The following ANK3 variants were observed in gnomAD, a reference collection of about 807,000 sequenced individuals.
The protein encoded by ANK3 is ankyrin 3.
In ANK3, 57 loss-of-function variants were observed where a neutral mutation model predicts 370.9. That is an observed-to-expected ratio of 0.15 (90% CI 0.12 to 0.19). ANK3 has a LOEUF of 0.19. Among genes scored for constraint, ANK3 ranks in the 10% least tolerant of loss-of-function variants. The pLI, the probability that ANK3 is intolerant of heterozygous loss-of-function variation, is 1.00. For missense variants in ANK3, 4,439 were observed against 5,302.1 expected, an observed-to-expected ratio of 0.84 and a Z score of 5.06; for synonymous variants, 1,929 against 1,946.3, an observed-to-expected ratio of 0.99 and a Z score of 0.23.
At chr10:60,131,192 C>T (rs1260994597) in intron 25 of ANK3, among the ~76,000 whole-genome samples, 1 of 152,120 alleles carries the variant, frequency 6.6e-6, no homozygotes, top group African/African-American at 2.4e-5. Flanking sequence ...CAATGATTTC[C>T]TACATACACA....
In ANK3 at chr10:60,144,457, A is replaced by G. The variant is rs187739491; in HGVS notation, c.2615-5370T>C. Among the ~76,000 whole-genome samples the G allele has an allele frequency of 1.1e-3, 173 of 152,336 alleles. 2 individuals are homozygous for G. Among genetic ancestry groups the G allele is most frequent in the African/African-American group, 3.8e-3 (158 of 41,576 alleles). On this transcript the variant is annotated intron_variant, in intron 23 of 43. Coordinates refer to ENST00000280772, the MANE Select transcript of ANK3 (RefSeq NM_020987.5). ...ACTGATGTTCTTATTGTTAATCTAC[A>G]TCTGTCAATAAATTATCAGAGCCTA...
chr10:60,571,368 AG>A (rs946178655), intron 2 of ANK3, among the ~76,000 whole-genome samples: 2 of 152,198 alleles, frequency 1.3e-5, no homozygotes, highest in African/African-American at 4.8e-5. Context: ...AATAATAAAC[AG>A]ATTATGAACA....
At chr10:60,461,968 A>G (rs2064896157) in intron 2 of ANK3, among the ~76,000 whole-genome samples, 1 of 152,160 alleles carries the variant, frequency 6.6e-6, no homozygotes, top group South Asian at 2.1e-4. Context: ...CGGGTGGGGG[A>G]CCCAAGGGGA....
At chr10:60,529,517 A>G (rs1934755) in intron 2 of ANK3, among the ~76,000 whole-genome samples, 102,155 of 151,464 alleles carry the variant, frequency 0.67, 34,882 homozygotes, top group South Asian at 0.87. Flanking sequence ...GCTCAGGTGC[A>G]CGCACTCCAG....
rs753849085 is a variant in ANK3, at chr10:60,524,807, C to T, written c.96+90379G>A. 2.2e-4 allele frequency among the ~76,000 whole-genome samples: 33 copies of T among 151,966 alleles called. 1 individual carries two copies. The highest frequency in any genetic ancestry group is 7.2e-4 in the African/African-American group (30 of 41,406). On this transcript the variant is annotated intron_variant, in intron 2 of 43. Transcript: ENST00000373827. ...GAACTTGATTTGTCATAAACTCCCA[C>T]GACGACACATGTACAAGGATGAAAG...
At chr10:60,470,022 A>C (rs561876418) in intron 2 of ANK3, among the ~76,000 whole-genome samples, 1 of 152,030 alleles carries the variant, frequency 6.6e-6, no homozygotes, top group African/African-American at 2.4e-5. Context: ...GTGATAGAGA[A>C]AACAGGGAGC....
chr10:60,264,363 G>A (rs1230527522), intron 5 of ANK3, among the ~76,000 whole-genome samples: 1 of 151,958 alleles, frequency 6.6e-6, no homozygotes, highest in Non-Finnish European at 1.5e-5. Flanking sequence ...AATAATCTCA[G>A]GGCCAGGTGC....
intron 28 of ANK3, among the ~76,000 whole-genome samples, chr10:60,099,133 C>T (rs1483492856): frequency 6.6e-6 from 1 of 152,054 alleles, no homozygotes; most frequent in Non-Finnish European, 1.5e-5. Context: ...ATAACCTGCC[C>T]CAGAGCCTTC....
rs747043475 is a variant in ANK3 at position 60,071,175 on chromosome 10, C to T, written c.9706G>A (p.Val3236Met). 33 of 1,614,092 alleles carry T rather than the reference C, an allele frequency of 2.0e-5. 1 individual carries two copies. Among genetic ancestry groups the T allele is most frequent in the East Asian group, 1.3e-4 (6 of 44,894 alleles). ...GGTCTTTGGTTAGAGTCTTTGCTCA[C>T]GTCATTAGGCATTTCACGCTCAACT... is the stretch of plus-strand genomic sequence containing the variant. ...TAVEREMPND[V>M]SKDSNQRPKN... Residue 3236 changes from valine (V) to methionine (M), a missense_variant, in exon 37 of 44, where the codon GTG becomes ATG. Transcript: ENST00000280772.
At chr10:60,570,360 A>G (rs1359710385) in intron 2 of ANK3, among the ~76,000 whole-genome samples, 1 of 152,204 alleles carries the variant, frequency 6.6e-6, no homozygotes, top group Admixed American at 6.5e-5. Context: ...CATCCAGAAG[A>G]CTAACTTCCA....
chr10:60,715,836 A>G (rs1047199325), intron 1 of ANK3, among the ~76,000 whole-genome samples: 5 of 151,836 alleles, frequency 3.3e-5, no homozygotes, highest in African/African-American at 1.2e-4. Flanking sequence ...TCTAATCTGA[A>G]GATCACAGGT....
chr10:60,599,302 T>A (rs1441527955), intron 2 of ANK3, among the ~76,000 whole-genome samples: 1 of 152,116 alleles, frequency 6.6e-6, no homozygotes, highest in East Asian at 1.9e-4. Flanking sequence ...AAGCAAGGTT[T>A]CTCTTCTACT....
chr10:60,608,340 T>G (rs1306546563), intron 2 of ANK3, among the ~76,000 whole-genome samples: 1 of 152,186 alleles, frequency 6.6e-6, no homozygotes, highest in Non-Finnish European at 1.5e-5. Flanking sequence ...AGTCTTTTTC[T>G]CCTTTGTGAA....
chr10:60,400,009 AGTGT>A (rs60224309), intron 2 of ANK3, among the ~76,000 whole-genome samples: 27,982 of 145,434 alleles, frequency 0.19, 2,831 homozygotes, highest in East Asian at 0.29. Flanking sequence ...CCTCCAATAC[AGTGT>A]GTGTGTGTGT....
intron 1 of ANK3, among the ~76,000 whole-genome samples, chr10:60,691,304 A>AAAAAG (rs906502320): frequency 2.0e-5 from 3 of 152,314 alleles, no homozygotes; most frequent in Admixed American, 6.5e-5. Context: ...ATGAAATTTG[A>AAAAAG]AAAAGAAAAG....
chr10:60,708,833 A>T (rs941400854), intron 1 of ANK3, among the ~76,000 whole-genome samples: 3 of 152,180 alleles, frequency 2.0e-5, no homozygotes, highest in African/African-American at 7.2e-5. Context: ...TAATAACAGG[A>T]AATTACACCT....
At chr10:60,308,496 G>A (rs2045666944) in intron 1 of ANK3, among the ~76,000 whole-genome samples, 1 of 151,830 alleles carries the variant, frequency 6.6e-6, no homozygotes, top group African/African-American at 2.4e-5. Flanking sequence ...GGCTGGTCTC[G>A]AACTCCTGAT....
At chr10:60,548,885 G>A (rs1330936177) in intron 2 of ANK3, among the ~76,000 whole-genome samples, 1 of 151,896 alleles carries the variant, frequency 6.6e-6, no homozygotes. Context: ...GAGAGTTCAG[G>A]GCTTTCTATA....
chr10:60,233,885 T>C (rs2097288494), intron 8 of ANK3, among the ~76,000 whole-genome samples: 1 of 152,220 alleles, frequency 6.6e-6, no homozygotes, highest in African/African-American at 2.4e-5. Context: ...TAAAACTCTA[T>C]ACCCATCAAA....
Sources: gnomAD v4.1 joint callset for allele counts (sites outside exome capture counted in the v4.1 genomes callset) on GRCh38, gnomAD v4.1.1 for gene constraint, MANE v1.5 for transcripts, NCBI Gene and HGNC (gene_info 2026-07-23, HGNC 2026-07-21) for gene names.